POFUT3: variants seen among roughly 807,000 people sequenced by gnomAD.
The protein encoded by POFUT3 is GDP-fucose protein O-fucosyltransferase 3.
chr8:33,462,904 G>A, the POFUT3 span, among the ~76,000 whole-genome samples: 1 of 151,108 alleles, frequency 6.6e-6, no homozygotes, highest in Non-Finnish European at 1.5e-5. Flanking sequence ...GCACTCTAGC[G>A]TAGGCAACAG....
At chr8:33,403,481 C>T in the POFUT3 span, among the ~76,000 whole-genome samples, 1 of 151,928 alleles carries the variant, frequency 6.6e-6, no homozygotes. Flanking sequence ...TTTGGGAGGC[C>T]GAGGCAGGAG....
the POFUT3 span, among the ~76,000 whole-genome samples, chr8:33,365,041 G>A: frequency 6.6e-6 from 1 of 152,282 alleles, no homozygotes; most frequent in Non-Finnish European, 1.5e-5. Flanking sequence ...AAACAGCATG[G>A]TACTGGTACC....
the POFUT3 span, among the ~76,000 whole-genome samples, chr8:33,339,263 T>C: frequency 1.6e-4 from 25 of 152,260 alleles, no homozygotes; most frequent in South Asian, 4.4e-3. Context: ...ATGGAAATTA[T>C]AAAACTAAAA....
the POFUT3 span, among the ~76,000 whole-genome samples, chr8:33,380,100 C>CTATATATATAGTATATATATACACTA: frequency 3.3e-5 from 2 of 59,962 alleles, 1 homozygote; most frequent in African/African-American, 2.4e-4. Context: ...TATATATACA[C>CTATATATATAGTATATATATACACTA]TATATATATA....
At chr8:33,343,157 C>T in the POFUT3 span, among the ~76,000 whole-genome samples, 1 of 151,498 alleles carries the variant, frequency 6.6e-6, no homozygotes, top group Non-Finnish European at 1.5e-5. Flanking sequence ...ACGCAAAAAC[C>T]TATATCAAGT....
chr8:33,444,933 C>CTTTCT, the POFUT3 span, among the ~76,000 whole-genome samples: 1 of 121,674 alleles, frequency 8.2e-6, no homozygotes. Context: ...TGACCTTCAT[C>CTTTCT]TTTTTTTTTT....
chr8:33,343,574 G>A, the POFUT3 span, among the ~76,000 whole-genome samples: 1 of 152,162 alleles, frequency 6.6e-6, no homozygotes, highest in African/African-American at 2.4e-5. Flanking sequence ...GAGGAAAAGC[G>A]AAGCAAAGTA....
At chr8:33,454,756 T>C in the POFUT3 span, among the ~76,000 whole-genome samples, 5 of 150,622 alleles carry the variant, frequency 3.3e-5, no homozygotes, top group African/African-American at 1.2e-4. Flanking sequence ...AAACTCCGCC[T>C]CCCAGGTTCA....
the POFUT3 span, among the ~76,000 whole-genome samples, chr8:33,410,579 A>G: frequency 0.3 from 46,044 of 151,950 alleles, 7,096 homozygotes; most frequent in South Asian, 0.44. Flanking sequence ...TCTCCCACTC[A>G]ATACACATTT....
the POFUT3 span, among the ~76,000 whole-genome samples, chr8:33,335,149 A>ATGTGTGTGTG: frequency 7.5e-3 from 834 of 110,688 alleles, 3 homozygotes; most frequent in South Asian, 0.015. Context: ...AAAAAGAAAT[A>ATGTGTGTGTG]TATGTGTGTG....
chr8:33,308,504 C>G, the POFUT3 span, among the ~76,000 whole-genome samples: 2 of 152,140 alleles, frequency 1.3e-5, no homozygotes, highest in Non-Finnish European at 2.9e-5. Flanking sequence ...GGAGCCCTAA[C>G]ATTCTAAAGC....
the POFUT3 span, among the ~76,000 whole-genome samples, chr8:33,432,407 CAAAA>C: frequency 1.1e-5 from 1 of 92,802 alleles, no homozygotes; most frequent in Non-Finnish European, 2.2e-5. Context: ...GACTCTGTCT[CAAAA>C]AAAAAAAAAA....
chr8:33,318,197 T>C, the POFUT3 span, among the ~76,000 whole-genome samples: 53 of 152,072 alleles, frequency 3.5e-4, 1 homozygote, highest in African/African-American at 1.1e-3. Context: ...CTTAGGCTTA[T>C]TTTATTTCCT....
At chr8:33,327,232 G>A in the POFUT3 span, among the ~76,000 whole-genome samples, 1 of 151,976 alleles carries the variant, frequency 6.6e-6, no homozygotes, top group Non-Finnish European at 1.5e-5. Flanking sequence ...ATGTATGTAG[G>A]GCCTTTTTTC....
the POFUT3 span, among the ~76,000 whole-genome samples, chr8:33,387,387 T>C: frequency 6.6e-6 from 1 of 152,226 alleles, no homozygotes; most frequent in Non-Finnish European, 1.5e-5. Context: ...GAGAGCCCCA[T>C]ATGGTATACA....
chr8:33,437,941 C>G, the POFUT3 span, among the ~76,000 whole-genome samples: 2 of 152,128 alleles, frequency 1.3e-5, no homozygotes, highest in Non-Finnish European at 2.9e-5. Context: ...CACATGCAAC[C>G]AAAATATATA....
At chr8:33,317,010 C>G in the POFUT3 span, among the ~76,000 whole-genome samples, 1 of 151,944 alleles carries the variant, frequency 6.6e-6, no homozygotes, top group African/African-American at 2.4e-5. Context: ...CCTCATCAAC[C>G]CCCTTCTTAA....
the POFUT3 span, among the ~76,000 whole-genome samples, chr8:33,469,631 C>A: frequency 1.3e-5 from 2 of 152,130 alleles, no homozygotes; most frequent in Admixed American, 1.3e-4. Flanking sequence ...AAATTCCAGA[C>A]ACATACTAAA....
chr8:33,320,467 A>C, the POFUT3 span, among the ~76,000 whole-genome samples: 9 of 152,088 alleles, frequency 5.9e-5, no homozygotes, highest in Admixed American at 3.3e-4. Flanking sequence ...TCCAAATCAA[A>C]CACTATTTGC....
Sources: allele counts gnomAD v4.1 joint callset (sites outside exome capture counted in the v4.1 genomes callset), GRCh38; gene constraint gnomAD v4.1.1; transcripts MANE v1.5; gene names NCBI Gene and HGNC (gene_info 2026-07-23, HGNC 2026-07-21).